ZRSR2: variants seen among roughly 807,000 people sequenced by gnomAD.
ZRSR2 encodes the protein zinc finger CCCH-type, RNA binding motif and serine/arginine rich 2, also known as U2 small nuclear ribonucleoprotein auxiliary factor 35 kDa subunit-related protein 2.
Under a neutral mutation model 39.4 loss-of-function variants are expected in ZRSR2, and 3 were observed. The observed-to-expected ratio is 0.08, with a 90% CI of 0.03 to 0.20. ZRSR2 has a LOEUF of 0.20. ZRSR2 is among the 10% of genes least tolerant of loss of function. The probability of loss-of-function intolerance (pLI) is 1.00; values close to 1 mark genes in which losing one functional copy is unlikely to be tolerated. For synonymous variants in ZRSR2, 137 were observed against 136.0 expected, an observed-to-expected ratio of 1.01 and a Z score of -0.05; for missense variants, 256 against 391.5, an observed-to-expected ratio of 0.65 and a Z score of 2.92.
chrX:15,803,400 A>G lies in ZRSR2; in HGVS notation c.204-288A>G, dbSNP rs1192415053. Among the ~76,000 whole-genome samples, 5 of 112,003 alleles carry G rather than the reference A, an allele frequency of 4.5e-5. No individual in the cohort carries two copies. The East Asian group carries it at 1.4e-3, about 31-fold the overall frequency. On this transcript the variant is annotated intron_variant, in intron 3 of 10. Coordinates refer to ENST00000307771, the MANE Select transcript of ZRSR2 (RefSeq NM_005089.4). ...ACATCACTGTGATCAGTCTAGAGGGAAAGTCATAGTGTCCTTTTTTCTGTA... is the reference window on the plus strand; with the variant it reads ...ACATCACTGTGATCAGTCTAGAGGGGAAGTCATAGTGTCCTTTTTTCTGTA...
At chrX:15,808,199 G>C in intron 5 of ZRSR2, 34 bp from the exon 6 acceptor site, 1 of 1,196,837 alleles carries the variant, frequency 8.4e-7, no homozygotes, top group Non-Finnish European at 1.1e-6. Flanking sequence ...CTGACTTCTG[G>C]GTTTTTATTA....
chrX:15,810,852 A>G (rs1159875686), intron 7 of ZRSR2, among the ~76,000 whole-genome samples: 2 of 103,476 alleles, frequency 1.9e-5, no homozygotes, highest in Non-Finnish European at 3.9e-5. Context: ...CCTGGTATCT[A>G]TAAAAAAAAA....
At chrX:15,809,824 A>G (rs1932852535) in intron 7 of ZRSR2, among the ~76,000 whole-genome samples, 1 of 111,966 alleles carries the variant, frequency 8.9e-6, no homozygotes, top group Non-Finnish European at 1.9e-5. Flanking sequence ...AAGAAAAAAA[A>G]AAACAAAACT....
In ZRSR2 at chrX:15,791,024, C is replaced by T. The variant is rs1402023905; in HGVS notation, c.121+11C>T. On this transcript the variant is annotated intron_variant, in intron 2 of 10. Coordinates refer to ENST00000307771, the MANE Select transcript of ZRSR2 (RefSeq NM_005089.4). ...GACTGAGAGACTCAGGTGATGGACT[C>T]TTTATTCTGTTTTCTGTGTTGTGAA... is the stretch of plus-strand genomic sequence containing the variant. 8.4e-7 allele frequency: 1 copy of T among 1,194,909 alleles called. No homozygotes were observed. Among genetic ancestry groups the T allele is most frequent in the Admixed American group, 2.2e-5 (1 of 45,613 alleles).
intron 6 of ZRSR2, among the ~76,000 whole-genome samples, chrX:15,808,554 A>G (rs951299188): frequency 2.7e-5 from 3 of 110,987 alleles, no homozygotes; most frequent in African/African-American, 9.8e-5. Flanking sequence ...ACCTTGAATC[A>G]GAGTAACTTC....
intron 7 of ZRSR2, among the ~76,000 whole-genome samples, chrX:15,811,423 ACCC>A (rs11325014): frequency 4.3e-5 from 4 of 92,000 alleles, no homozygotes; most frequent in Admixed American, 1.2e-4. Flanking sequence ...CTTGATTCTC[ACCC>A]CCCCCCCTTT....
At chrX:15,822,192 T>C (rs927399463) in intron 10 of ZRSR2, among the ~76,000 whole-genome samples, 4 of 111,287 alleles carry the variant, frequency 3.6e-5, no homozygotes, top group African/African-American at 6.6e-5. Context: ...GGTTTCGCCA[T>C]GTTGGCCAGG....
intron 7 of ZRSR2, among the ~76,000 whole-genome samples, chrX:15,811,426 C>G (rs970469913): frequency 1.4e-5 from 1 of 73,828 alleles, no homozygotes; most frequent in African/African-American, 6.3e-5. Context: ...GATTCTCACC[C>G]CCCCCCCTTT....
chrX:15,796,147 G>T (rs746936986), intron 2 of ZRSR2, among the ~76,000 whole-genome samples: 6 of 110,634 alleles, frequency 5.4e-5, no homozygotes, highest in African/African-American at 1.6e-4. Flanking sequence ...TCCTGCCTCA[G>T]CCTCCAGAGT....
At chrX:15,821,097 C>T (rs1383920210) in intron 10 of ZRSR2, among the ~76,000 whole-genome samples, 1 of 111,954 alleles carries the variant, frequency 8.9e-6, no homozygotes, top group Non-Finnish European at 1.9e-5. Context: ...AGCTTGTCTT[C>T]CTTGGATTCT....
At position 15,790,555 on chromosome X, in the gene ZRSR2, G is replaced by A. The variant is rs1227082151; in HGVS notation, c.41+19G>A. The A allele has an allele frequency of 2.6e-6, 3 of 1,160,509 alleles. No homozygotes were observed. Among genetic ancestry groups the A allele is most frequent in the South Asian group, 3.9e-5 (2 of 51,850 alleles). On this transcript the variant is annotated intron_variant, in intron 1 of 10. Transcript: ENST00000307771. Reference sequence around the variant, plus strand: ...AACCAAGGTAAGCGCCGTACGGGGAGATGAGCAGGCGAGCGGGCCGATCGT... The same window carrying A: ...AACCAAGGTAAGCGCCGTACGGGGAAATGAGCAGGCGAGCGGGCCGATCGT...
intron 5 of ZRSR2, among the ~76,000 whole-genome samples, chrX:15,805,313 A>G (rs1641352234): frequency 8.9e-6 from 1 of 111,998 alleles, no homozygotes; most frequent in Non-Finnish European, 1.9e-5. Context: ...ATAGAGAGGA[A>G]TTAATTCCCA....
At chrX:15,817,199 C>A (rs191848287) in intron 8 of ZRSR2, among the ~76,000 whole-genome samples, 63 of 111,953 alleles carry the variant, frequency 5.6e-4, no homozygotes, top group African/African-American at 2.0e-3. Flanking sequence ...TTACTTGCAA[C>A]AGGCTGCACC....
intron 3 of ZRSR2, among the ~76,000 whole-genome samples, chrX:15,800,280 G>A (rs1173472872): frequency 8.6e-5 from 9 of 104,602 alleles, no homozygotes; most frequent in Non-Finnish European, 1.8e-4. Flanking sequence ...TCCGCCTCCC[G>A]GGTTCAAGCG....
At chrX:15,814,076 CAA>C (rs11426665) in intron 7 of ZRSR2, among the ~76,000 whole-genome samples, 14 of 70,582 alleles carry the variant, frequency 2.0e-4, no homozygotes, top group Admixed American at 1.7e-4. Context: ...CTCCCCTCGC[CAA>C]AAAAAAAAAA....
rs142949005 is a variant in ZRSR2, at chrX:15,812,464, G to A, written c.557+3146G>A. On this transcript the variant is annotated intron_variant, in intron 7 of 10. Transcript: ENST00000307771. ...GATCGTACAGCTGTTCTGTTCTGTC[G>A]TTAAGTTTTGTCAGAGCATCAGAGG... is the stretch of plus-strand genomic sequence containing the variant. Among the ~76,000 whole-genome samples the A allele has an allele frequency of 6.2e-3, 691 of 111,908 alleles. 15 individuals are homozygous for A. Among genetic ancestry groups the A allele is most frequent in the East Asian group, 0.061 (218 of 3,554 alleles).
chrX:15,808,952 C>G (rs756843347), intron 6 of ZRSR2, among the ~76,000 whole-genome samples: 25 of 111,282 alleles, frequency 2.2e-4, no homozygotes, highest in African/African-American at 8.2e-4. Context: ...GGATGGAAAC[C>G]TTGGCGACTG....
chrX:15,803,561 C>T, intron 3 of ZRSR2, 127 bp from the exon 4 acceptor site: 1 of 921,595 alleles, frequency 1.1e-6, no homozygotes, highest in East Asian at 3.5e-5. Flanking sequence ...CACTTGACTG[C>T]TTTAATAGAA....
chrX:15,801,220 T>A, intron 3 of ZRSR2: 1 of 133,445 alleles, frequency 7.5e-6, no homozygotes, highest in South Asian at 1.7e-4. Flanking sequence ...CATGTTTTTT[T>A]AAAATTTGTT....
Sources: allele counts gnomAD v4.1 joint callset (sites outside exome capture counted in the v4.1 genomes callset), GRCh38; gene constraint gnomAD v4.1.1; transcripts MANE v1.5; gene names NCBI Gene and HGNC (gene_info 2026-07-23, HGNC 2026-07-21).